Variants in CNTNAP2 observed in about 807,000 individuals in gnomAD.
CNTNAP2 encodes contactin-associated protein-like 2.
In CNTNAP2, 98 loss-of-function variants were observed where a neutral mutation model predicts 155.2. The observed-to-expected ratio is 0.63, with a 90% CI of 0.54 to 0.75. CNTNAP2 has a LOEUF of 0.75. Ranked by LOEUF, CNTNAP2 falls within the 30% of genes least tolerant of loss-of-function variation. The pLI, the probability that CNTNAP2 is intolerant of heterozygous loss-of-function variation, is 0.00. For missense variants in CNTNAP2, 1,727 were observed against 1,688.1 expected, an observed-to-expected ratio of 1.02 and a Z score of -0.40; for synonymous variants, 651 against 631.2, an observed-to-expected ratio of 1.03 and a Z score of -0.47.
chr7:146,572,906 T>C (rs554198973), intron 1 of CNTNAP2, among the ~76,000 whole-genome samples: 1 of 152,138 alleles, frequency 6.6e-6, no homozygotes, highest in East Asian at 1.9e-4. Flanking sequence ...GAACTATGTA[T>C]GGAAAAGAAA....
intron 21 of CNTNAP2, among the ~76,000 whole-genome samples, chr7:148,369,359 T>C (rs1023111801): frequency 1.3e-5 from 2 of 151,794 alleles, no homozygotes; most frequent in Admixed American, 1.3e-4. Flanking sequence ...CCACTACACC[T>C]GGCTAATTTG....
intron 9 of CNTNAP2, among the ~76,000 whole-genome samples, chr7:147,311,201 G>A (rs115463382): frequency 0.011 from 1,661 of 152,128 alleles, 30 homozygotes; most frequent in African/African-American, 0.038. Flanking sequence ...ATTAAAATTT[G>A]GTAAAGAAAA....
At chr7:148,328,496 ATCTCTTGGTGTTCAATAG>A (rs1279529592) in intron 21 of CNTNAP2, among the ~76,000 whole-genome samples, 8 of 65,510 alleles carry the variant, frequency 1.2e-4, no homozygotes, top group African/African-American at 5.5e-5. Flanking sequence ...TGTAGATTCC[ATCTCTTGGTGTTCAATAG>A]GCCTTGGGGC....
intron 1 of CNTNAP2, among the ~76,000 whole-genome samples, chr7:146,249,742 C>G (rs1392561446): frequency 5.9e-5 from 9 of 152,046 alleles, no homozygotes. Flanking sequence ...GCTGTCATCA[C>G]TGAACAAGTT....
At chr7:146,802,316 T>C (rs1239923566) in intron 2 of CNTNAP2, among the ~76,000 whole-genome samples, 2 of 152,200 alleles carry the variant, frequency 1.3e-5, no homozygotes, top group Non-Finnish European at 2.9e-5. Context: ...TCTTCAGCAA[T>C]GGAAAACCCC....
chr7:146,490,734 A>C (rs1160344634), intron 1 of CNTNAP2, among the ~76,000 whole-genome samples: 3 of 152,140 alleles, frequency 2.0e-5, no homozygotes, highest in Non-Finnish European at 2.9e-5. Context: ...GTTCTCTTTA[A>C]ATTATCTTTA....
chr7:148,155,913 C>T (rs762755110), intron 17 of CNTNAP2, among the ~76,000 whole-genome samples: 6 of 152,248 alleles, frequency 3.9e-5, no homozygotes, highest in Non-Finnish European at 8.8e-5. Flanking sequence ...TGGGTGCTCC[C>T]ACAGCTTCCC....
intron 1 of CNTNAP2, among the ~76,000 whole-genome samples, chr7:146,619,218 C>G (rs1055166081): frequency 6.6e-6 from 1 of 151,842 alleles, no homozygotes; most frequent in Admixed American, 6.6e-5. Context: ...TAAATTCTTT[C>G]CCTAATTTTT....
At chr7:147,993,692 A>G (rs1801754417) in intron 15 of CNTNAP2, among the ~76,000 whole-genome samples, 1 of 152,156 alleles carries the variant, frequency 6.6e-6, no homozygotes, top group African/African-American at 2.4e-5. Flanking sequence ...GCAGTATTAA[A>G]CCCGACTTTG....
At position 147,197,625 on chromosome 7, in the gene CNTNAP2, G is replaced by T. The variant is rs1417443884; in HGVS notation, c.1348+65116G>T. Among the ~76,000 whole-genome samples, 3 of 152,242 alleles carry T rather than the reference G, an allele frequency of 2.0e-5. No individual in the cohort carries two copies. The East Asian group carries it at 5.8e-4, about 29-fold the overall frequency. On this transcript the variant is annotated intron_variant, in intron 8 of 23. Coordinates refer to ENST00000361727, the MANE Select transcript of CNTNAP2 (RefSeq NM_014141.6). Reference sequence around the variant, plus strand: ...CTGCTATTAACAAACCAATGAACAGGTTTTTCTCAGAAGATGGAGAATATC... The same window carrying T: ...CTGCTATTAACAAACCAATGAACAGTTTTTTCTCAGAAGATGGAGAATATC...
chr7:146,443,852 C>T (rs370530791), intron 1 of CNTNAP2, among the ~76,000 whole-genome samples: 1 of 152,104 alleles, frequency 6.6e-6, no homozygotes, highest in East Asian at 1.9e-4. Context: ...TAGCATAAAG[C>T]CCTATTCTAG....
At chr7:148,319,354 GA>G (rs1191820770) in intron 21 of CNTNAP2, among the ~76,000 whole-genome samples, 2 of 151,958 alleles carry the variant, frequency 1.3e-5, no homozygotes, top group African/African-American at 4.8e-5. Context: ...GAATTTGAGG[GA>G]AATTTTTATA....
rs115857392 is a variant in CNTNAP2 at position 146,338,831 on chromosome 7, A to T, written c.97+221858A>T. 8.6e-3 allele frequency among the ~76,000 whole-genome samples: 1,314 copies of T among 152,220 alleles called. 24 individuals carry two copies. The highest frequency in any genetic ancestry group is 0.03 in the African/African-American group (1,249 of 41,508). On this transcript the variant is annotated intron_variant, in intron 1 of 23. Coordinates refer to ENST00000361727, the MANE Select transcript of CNTNAP2 (RefSeq NM_014141.6). ...GCCTGTTACAAGTGTATTTTATATA[A>T]GCCTCATAGTAACCACAAGCAAAAT...
chr7:146,649,973 A>G (rs576418495), intron 1 of CNTNAP2, among the ~76,000 whole-genome samples: 10 of 152,312 alleles, frequency 6.6e-5, no homozygotes, highest in African/African-American at 1.2e-4. Flanking sequence ...GTACCATCTC[A>G]TGCCAGTTAG....
chr7:146,557,045 A>G (rs1309236549), intron 1 of CNTNAP2, among the ~76,000 whole-genome samples: 2 of 152,106 alleles, frequency 1.3e-5, no homozygotes, highest in South Asian at 2.1e-4. Flanking sequence ...CTTACAACCG[A>G]CAAAACAGAT....
At chr7:147,067,099 T>C (rs1799794749) in intron 4 of CNTNAP2, among the ~76,000 whole-genome samples, 1 of 152,122 alleles carries the variant, frequency 6.6e-6, no homozygotes, top group South Asian at 2.1e-4. Context: ...GAGGCCATCC[T>C]GGCCAACATG....
chr7:146,665,414 C>A (rs1196499335), intron 1 of CNTNAP2, among the ~76,000 whole-genome samples: 5 of 151,974 alleles, frequency 3.3e-5, no homozygotes, highest in Non-Finnish European at 7.3e-5. Flanking sequence ...GTGACTATGT[C>A]TTTGACCCTT....
intron 1 of CNTNAP2, among the ~76,000 whole-genome samples, chr7:146,187,599 GT>G (rs766508591): frequency 6.6e-6 from 1 of 151,962 alleles, no homozygotes; most frequent in Non-Finnish European, 1.5e-5. Flanking sequence ...AAGATATATT[GT>G]TTTCTTTTTA....
chr7:148,387,596 AG>A (rs1217686414), intron 22 of CNTNAP2, among the ~76,000 whole-genome samples: 1 of 152,158 alleles, frequency 6.6e-6, no homozygotes, highest in African/African-American at 2.4e-5. Context: ...GCAGAATCTC[AG>A]GCCCCTCCCC....
Sources: gnomAD v4.1 joint callset for allele counts (sites outside exome capture counted in the v4.1 genomes callset) on GRCh38, gnomAD v4.1.1 for gene constraint, MANE v1.5 for transcripts, NCBI Gene and HGNC (gene_info 2026-07-23, HGNC 2026-07-21) for gene names.